Variants in HDAC9 observed in about 807,000 individuals in gnomAD.
The protein encoded by HDAC9 is MEF-2 interacting transcription repressor (MITR) protein.
HDAC9 carries 41 observed loss-of-function variants against 139.4 expected under a neutral mutation model. That is an observed-to-expected ratio of 0.29 (90% CI 0.23 to 0.38). HDAC9 has a LOEUF of 0.38. HDAC9 is among the 10% of genes least tolerant of loss of function. The probability of loss-of-function intolerance (pLI) is 1.00; values close to 1 mark genes in which losing one functional copy is unlikely to be tolerated. For synonymous variants in HDAC9, 517 were observed against 476.2 expected, an observed-to-expected ratio of 1.09 and a Z score of -1.12; for missense variants, 1,147 against 1,297.0, an observed-to-expected ratio of 0.88 and a Z score of 1.78.
At chr7:18,343,922 A>T (rs2128664922) in intron 1 of HDAC9, among the ~76,000 whole-genome samples, 1 of 152,060 alleles carries the variant, frequency 6.6e-6, no homozygotes, top group Admixed American at 6.6e-5. Flanking sequence ...AGCCTAGTCT[A>T]GTCTAGTATA....
At chr7:18,609,475 C>T (rs1170800139) in intron 6 of HDAC9, among the ~76,000 whole-genome samples, 1 of 152,116 alleles carries the variant, frequency 6.6e-6, no homozygotes, top group Non-Finnish European at 1.5e-5. Flanking sequence ...GAAACCGTTT[C>T]GGTGTCCAAG....
intron 8 of HDAC9, among the ~76,000 whole-genome samples, chr7:18,637,554 T>C (rs529671895): frequency 2.6e-5 from 4 of 152,118 alleles, no homozygotes; most frequent in East Asian, 1.9e-4. Context: ...TGTGATTTAA[T>C]GGAGTTTAAA....
At position 18,835,655 on chromosome 7, in the gene HDAC9, C is replaced by G. The variant is rs772025696; in HGVS notation, c.2586+69C>G. ...CAGGTAATTGCATTGCATGATTACC[C>G]CTAATTTTCTTGTCCTTTGCTGGTG... On this transcript the variant is annotated intron_variant, in intron 20 of 25. Transcript: ENST00000686413. 126 of 1,575,610 alleles carry G rather than the reference C, an allele frequency of 8.0e-5. 1 individual carries two copies. The South Asian group carries it at 1.1e-3, about 14-fold the overall frequency.
chr7:18,912,344 A>C (rs1368791799), intron 22 of HDAC9, among the ~76,000 whole-genome samples: 3 of 152,100 alleles, frequency 2.0e-5, no homozygotes, highest in Admixed American at 6.6e-5. Flanking sequence ...TATCAGAATA[A>C]AATGAGATAA....
chr7:18,935,979 A>T (rs1563069866), intron 23 of HDAC9, 37 bp downstream of exon 23: 5 of 1,593,172 alleles, frequency 3.1e-6, no homozygotes, highest in Non-Finnish European at 4.3e-6. Context: ...AGGGGTAAAG[A>T]ATCAGGGATG....
intron 1 of HDAC9, among the ~76,000 whole-genome samples, chr7:18,472,271 A>G (rs898637189): frequency 6.6e-6 from 1 of 152,226 alleles, no homozygotes; most frequent in Non-Finnish European, 1.5e-5. Context: ...GATCATCTTC[A>G]GACTGCTCCC....
At chr7:18,435,614 C>T (rs911918532) in intron 1 of HDAC9, among the ~76,000 whole-genome samples, 2 of 150,996 alleles carry the variant, frequency 1.3e-5, no homozygotes, top group Admixed American at 6.6e-5. Flanking sequence ...ATTTTATGTT[C>T]GGGGGTACAT....
intron 8 of HDAC9, among the ~76,000 whole-genome samples, chr7:18,635,599 T>C (rs1783640601): frequency 1.3e-5 from 2 of 152,106 alleles, no homozygotes; most frequent in Admixed American, 1.3e-4. Flanking sequence ...TTTGAAGTCA[T>C]CAACAATTGA....
At chr7:18,812,831 CA>C (rs1794283007) in intron 17 of HDAC9, among the ~76,000 whole-genome samples, 1 of 151,950 alleles carries the variant, frequency 6.6e-6, no homozygotes, top group African/African-American at 2.4e-5. Flanking sequence ...GGACTCTGTT[CA>C]TTTTCTTGAG....
Position 18,644,687 on chromosome 7 carries a change from A to G in HDAC9, c.929A>G (p.Gln310Arg). ...TPHAEQMVSQ[Q>R]RILIHEDSMN... ...TTTTAACAGCAAATGGTTTCACAGC[A>G]ACGCATTCTAATTCATGAAGATTCC... The change falls in exon 9 of 26, where the codon CAA (glutamine) becomes CGA (arginine). Residue 310 changes from glutamine (Q) to arginine (R), a missense_variant. By Grantham distance (43) the Gln-to-Arg change is conservative. Transcript: ENST00000686413. 2 of 1,611,418 alleles carry G rather than the reference A, an allele frequency of 1.2e-6. No homozygotes were observed. Among genetic ancestry groups the G allele is most frequent in the Non-Finnish European group, 1.7e-6 (2 of 1,178,640 alleles).
chr7:18,784,018 A>G (rs1729272061), intron 16 of HDAC9, among the ~76,000 whole-genome samples: 4 of 152,056 alleles, frequency 2.6e-5, no homozygotes, highest in Middle Eastern at 3.4e-3. Flanking sequence ...GTTACCTGAC[A>G]TTATGTCTAT....
In HDAC9 at chr7:18,977,919, GACACACACAC is replaced by G. The variant is rs147049392; in HGVS notation, c.3170+1998_3170+2007del. On this transcript the variant is annotated intron_variant, in intron 25 of 25. Coordinates refer to ENST00000686413, the MANE Select transcript of HDAC9 (RefSeq NM_178425.4). ...GAATTTCCTCAGAGACAGACAGACA[GACACACACAC>G]ACACACACACACACACACACACACA... 8.5e-3 allele frequency among the ~76,000 whole-genome samples: 1,203 copies of G among 141,012 alleles called. 10 individuals carry two copies. The highest frequency in any genetic ancestry group is 0.012 in the Non-Finnish European group (773 of 65,922). The allele number at this position is 141,012 out of a possible 152,430, so 92.5% of individuals were successfully genotyped here.
intron 16 of HDAC9, among the ~76,000 whole-genome samples, chr7:18,788,417 T>C (rs138020306): frequency 1.3e-5 from 2 of 152,226 alleles, no homozygotes; most frequent in African/African-American, 4.8e-5. Flanking sequence ...CTGCAGACTT[T>C]ATTATATGGT....
At chr7:18,890,982 G>T (rs1044254220) in intron 22 of HDAC9, among the ~76,000 whole-genome samples, 1 of 152,148 alleles carries the variant, frequency 6.6e-6, no homozygotes, top group African/African-American at 2.4e-5. Flanking sequence ...AGGATATTTT[G>T]GCGAGTCTGT....
intron 17 of HDAC9, among the ~76,000 whole-genome samples, chr7:18,824,741 C>T (rs748950552): frequency 3.3e-5 from 5 of 152,224 alleles, no homozygotes; most frequent in Non-Finnish European, 7.3e-5. Context: ...CATCTTCTCT[C>T]TGCCACCCTC....
In HDAC9 at chr7:18,640,229, C is replaced by T. The variant is rs77634288; in HGVS notation, c.913-4442C>T. Among the ~76,000 whole-genome samples the T allele has an allele frequency of 4.6e-3, 692 of 150,484 alleles. 4 individuals carry two copies. Among genetic ancestry groups the T allele is most frequent in the Non-Finnish European group, 7.7e-3 (522 of 67,588 alleles). ...CCTGGGCAACATAGAAAGACCCTGT[C>T]TCTACAGGGAGAAAAAAAAAAACCT... On this transcript the variant is annotated intron_variant, in intron 8 of 25. Transcript: ENST00000686413.
chr7:18,114,385 G>A (rs897480585), intron 1 of HDAC9, among the ~76,000 whole-genome samples: 1 of 152,182 alleles, frequency 6.6e-6, no homozygotes, highest in Non-Finnish European at 1.5e-5. Context: ...AGGAGAAATT[G>A]GTAGAGAATG....
chr7:18,735,008 T>C (rs528685464), intron 13 of HDAC9, among the ~76,000 whole-genome samples: 89 of 152,372 alleles, frequency 5.8e-4, no homozygotes, highest in Non-Finnish European at 1.1e-3. Context: ...TATTTTTTCA[T>C]GTATCTGTTG....
intron 2 of HDAC9, among the ~76,000 whole-genome samples, chr7:18,275,528 G>T (rs770067595): frequency 6.6e-6 from 1 of 152,124 alleles, no homozygotes; most frequent in African/African-American, 2.4e-5. Context: ...CCTCAAAGGC[G>T]CTGTGTGGTA....
Sources: allele counts gnomAD v4.1 joint callset (sites outside exome capture counted in the v4.1 genomes callset), GRCh38; gene constraint gnomAD v4.1.1; transcripts MANE v1.5; gene names NCBI Gene and HGNC (gene_info 2026-07-23, HGNC 2026-07-21).